The following NCMAP variants were observed in gnomAD, a reference collection of about 807,000 sequenced individuals.
The protein encoded by NCMAP is noncompact myelin-associated protein.
In NCMAP, 8 loss-of-function variants were observed where a neutral mutation model predicts 7.8. The ratio of observed to expected loss-of-function variants is 1.02; its 90% confidence interval spans 0.60 to 1.84. The LOEUF (loss-of-function observed/expected upper bound fraction) is 1.84. NCMAP is among the 40% of genes most tolerant of loss of function. The pLI, the probability that NCMAP is intolerant of heterozygous loss-of-function variation, is 0.00. For synonymous variants in NCMAP, 41 were observed against 52.9 expected (o/e 0.78, Z 0.98); for missense variants, 112 against 131.4 (o/e 0.85, Z 0.72).
chr1:24,593,404 G>A (rs554862748), intron 1 of NCMAP, among the ~76,000 whole-genome samples: 43 of 152,044 alleles, frequency 2.8e-4, no homozygotes, highest in African/African-American at 1.0e-3. Context: ...GAAGTGGGAG[G>A]ATTACTTGAG....
intron 1 of NCMAP, among the ~76,000 whole-genome samples, chr1:24,557,599 A>G (rs750664997): frequency 6.6e-6 from 1 of 152,280 alleles, no homozygotes; most frequent in African/African-American, 2.4e-5. Context: ...AACTCTAGGT[A>G]GGCCAATACC....
intron 1 of NCMAP, among the ~76,000 whole-genome samples, chr1:24,575,362 G>GAAGTC (rs1459706969): frequency 8.5e-5 from 13 of 152,102 alleles, no homozygotes; most frequent in Non-Finnish European, 1.6e-4. Context: ...GAGCCCCACA[G>GAAGTC]AAGTCATAAT....
At chr1:24,595,350 C>A in intron 1 of NCMAP, 74 bp from the exon 2 acceptor site, 1 of 1,041,254 alleles carries the variant, frequency 9.6e-7, no homozygotes, top group Admixed American at 2.0e-5. Context: ...CAGATAAAGA[C>A]CAAAAGAGGC....
At chr1:24,587,420 T>C (rs1376292653) in intron 1 of NCMAP, among the ~76,000 whole-genome samples, 1 of 152,196 alleles carries the variant, frequency 6.6e-6, no homozygotes, top group African/African-American at 2.4e-5. Context: ...GGAGGTAACA[T>C]TGATGTGGTG....
At chr1:24,598,731 G>A (rs980515661) in intron 2 of NCMAP, among the ~76,000 whole-genome samples, 15 of 150,830 alleles carry the variant, frequency 9.9e-5, no homozygotes, top group East Asian at 2.0e-4. Flanking sequence ...TCCACTTCCC[G>A]GGCTCAAGCG....
intron 1 of NCMAP, chr1:24,563,623 G>A (rs1349380869): frequency 6.6e-6 from 1 of 151,964 alleles, no homozygotes; most frequent in Non-Finnish European, 1.5e-5. Flanking sequence ...ACCATAAGCG[G>A]TATTTTAACG....
At chr1:24,567,048 G>A (rs1292337662) in intron 1 of NCMAP, among the ~76,000 whole-genome samples, 1 of 152,204 alleles carries the variant, frequency 6.6e-6, no homozygotes, top group Non-Finnish European at 1.5e-5. Flanking sequence ...GAGAGGGGCT[G>A]TGATGGTCCA....
At chr1:24,584,224 T>C (rs1651818461) in intron 1 of NCMAP, among the ~76,000 whole-genome samples, 1 of 152,192 alleles carries the variant, frequency 6.6e-6, no homozygotes, top group Admixed American at 6.5e-5. Flanking sequence ...GGTCCTTGGC[T>C]TGAGCCCAGA....
At chr1:24,580,974 G>GC (rs1651725300) in intron 1 of NCMAP, among the ~76,000 whole-genome samples, 2 of 152,130 alleles carry the variant, frequency 1.3e-5, no homozygotes, top group Non-Finnish European at 2.9e-5. Flanking sequence ...CAGTGTGGTT[G>GC]TTTTCTCTTC....
At chr1:24,599,819 G>GCCCC (rs59282200) in intron 2 of NCMAP, among the ~76,000 whole-genome samples, 1 of 47,772 alleles carries the variant, frequency 2.1e-5, no homozygotes, top group African/African-American at 8.3e-5. Flanking sequence ...CTCGTGATCC[G>GCCCC]CCCCCCCCCC....
intron 1 of NCMAP, among the ~76,000 whole-genome samples, chr1:24,592,917 C>A (rs1011861760): frequency 1.6e-4 from 24 of 150,752 alleles, no homozygotes; most frequent in African/African-American, 5.4e-4. Context: ...AGGTGGCTCA[C>A]GCCTGTAATC....
intron 1 of NCMAP, among the ~76,000 whole-genome samples, chr1:24,577,420 T>TTGTTTG (rs1651614921): frequency 5.6e-5 from 8 of 143,750 alleles, no homozygotes; most frequent in South Asian, 4.5e-4. Flanking sequence ...TTTTTTTTTT[T>TTGTTTG]TTTTTTTTTT....
chr1:24,569,175 G>T (rs977814414), intron 1 of NCMAP, among the ~76,000 whole-genome samples: 1 of 151,880 alleles, frequency 6.6e-6, no homozygotes, highest in Non-Finnish European at 1.5e-5. Context: ...TGTATTTTTA[G>T]TAGAGACGGG....
chr1:24,577,159 TAAAAA>T (rs1443346372), intron 1 of NCMAP, among the ~76,000 whole-genome samples: 2 of 151,766 alleles, frequency 1.3e-5, no homozygotes, highest in Non-Finnish European at 2.9e-5. Flanking sequence ...AAAATAAAAA[TAAAAA>T]ATAAAAAGGA....
chr1:24,556,114 C>A lies in NCMAP; in HGVS notation c.-63C>A. The A allele has an allele frequency of 1.3e-5, 2 of 153,094 alleles. No homozygotes were observed. The highest frequency in any genetic ancestry group is 3.7e-4 in the South Asian group (2 of 5,394). The allele number at this position is 153,094 out of a possible 1,614,324, so 9.5% of individuals were successfully genotyped here. The stretch of plus-strand genomic sequence containing the variant: ...GGCAGCGCCGGGCGGCGGCGGGGAC[C>A]CTGGCTGGGAGCGCGGCGGTGCCGG... On this transcript the variant is annotated 5_prime_UTR_variant, in exon 1 of 4. Coordinates refer to ENST00000374392, the MANE Select transcript of NCMAP (RefSeq NM_001010980.5).
intron 1 of NCMAP, among the ~76,000 whole-genome samples, chr1:24,563,462 C>T (rs1176579999): frequency 1.3e-5 from 2 of 148,840 alleles, no homozygotes; most frequent in African/African-American, 5.0e-5. Flanking sequence ...GCGGAGGTTG[C>T]GGTGAGCCGA....
At chr1:24,570,757 G>C (rs1178093777) in intron 1 of NCMAP, among the ~76,000 whole-genome samples, 1 of 150,992 alleles carries the variant, frequency 6.6e-6, no homozygotes, top group Non-Finnish European at 1.5e-5. Context: ...TGGTGATGCA[G>C]ACCACACATG....
chr1:24,557,216 G>C (rs375786762), intron 1 of NCMAP, among the ~76,000 whole-genome samples: 1 of 152,176 alleles, frequency 6.6e-6, no homozygotes, highest in East Asian at 1.9e-4. Context: ...TCCAATGAAT[G>C]AATGAATGCA....
chr1:24,607,599 T>C lies in NCMAP; in HGVS notation c.*1852T>C, dbSNP rs1383701663. 1 of 152,194 alleles carries C rather than the reference T, an allele frequency of 6.6e-6. No homozygotes were observed. Among genetic ancestry groups the C allele is most frequent in the African/African-American group, 2.4e-5 (1 of 41,448 alleles). 9.4% of individuals were successfully genotyped at this position (152,194 alleles called of 1,614,324 possible). ...CCCTTCTGAGGCCAGGTGTCGTGGCTCATGCCTGTAATCCCAGCACTTTGG... is the reference window on the plus strand; with the variant it reads ...CCCTTCTGAGGCCAGGTGTCGTGGCCCATGCCTGTAATCCCAGCACTTTGG... On this transcript the variant is annotated 3_prime_UTR_variant, in exon 4 of 4. Transcript: ENST00000374392.
Sources: gnomAD v4.1 joint callset for allele counts (sites outside exome capture counted in the v4.1 genomes callset) on GRCh38, gnomAD v4.1.1 for gene constraint, MANE v1.5 for transcripts, NCBI Gene and HGNC (gene_info 2026-07-23, HGNC 2026-07-21) for gene names.